Variants in RORB observed in about 807,000 individuals in gnomAD.
RORB encodes the protein RAR related orphan receptor B, also known as nuclear receptor ROR-beta.
A neutral mutation model predicts 59.1 loss-of-function variants in RORB; 6 were observed. That is an observed-to-expected ratio of 0.10 (90% CI 0.06 to 0.20). The LOEUF (loss-of-function observed/expected upper bound fraction) is 0.20, where lower values mean the gene tolerates loss of function less well. Among genes scored for constraint, RORB ranks in the 10% least tolerant of loss-of-function variants. The pLI is 1.00. For missense variants in RORB, 320 were observed against 560.5 expected, an observed-to-expected ratio of 0.57 and a Z score of 4.33; for synonymous variants, 215 against 204.5, an observed-to-expected ratio of 1.05 and a Z score of -0.44.
chr9:74,578,867 C>T (rs1416544886), intron 1 of RORB, among the ~76,000 whole-genome samples: 1 of 152,072 alleles, frequency 6.6e-6, no homozygotes, highest in Non-Finnish European at 1.5e-5. Context: ...GTCAGGTACT[C>T]TGCTGGTTGG....
At chr9:74,523,306 T>A (rs185953339) in intron 1 of RORB, among the ~76,000 whole-genome samples, 6 of 151,648 alleles carry the variant, frequency 4.0e-5, no homozygotes, top group Admixed American at 2.6e-4. Flanking sequence ...AGTCTTCTAA[T>A]TTTTTTTCCA....
At position 74,527,371 on chromosome 9, in the gene RORB, A is replaced by G. The variant is rs192076892; in HGVS notation, c.7+29388A>G. Among the ~76,000 whole-genome samples the G allele has an allele frequency of 3.8e-4, 58 of 152,140 alleles. No homozygotes were observed. In the East Asian group the frequency reaches 5.5e-3, roughly 14 times the overall value. ...TCCAAAATCTGGGAATCAAGCAGAC[A>G]GAAAAGAGACCAAAACCCCCTACCC... On this transcript the variant is annotated intron_variant, in intron 1 of 9. Coordinates refer to ENST00000376896, the MANE Select transcript of RORB (RefSeq NM_006914.4).
intron 8 of RORB, among the ~76,000 whole-genome samples, chr9:74,670,115 C>T (rs1824324958): frequency 6.6e-6 from 1 of 151,548 alleles, no homozygotes; most frequent in Non-Finnish European, 1.5e-5. Flanking sequence ...CTTGGAAGCA[C>T]AAAGATAGAT....
intron 4 of RORB, among the ~76,000 whole-genome samples, chr9:74,651,790 AAATT>A (rs1823997706): frequency 6.6e-6 from 1 of 152,222 alleles, no homozygotes; most frequent in African/African-American, 2.4e-5. Context: ...ACATTTAAGT[AAATT>A]AATCTTTCTG....
intron 4 of RORB, among the ~76,000 whole-genome samples, chr9:74,658,506 A>G (rs1385442006): frequency 6.6e-6 from 1 of 152,188 alleles, no homozygotes; most frequent in Non-Finnish European, 1.5e-5. Flanking sequence ...AAAAGAACAG[A>G]TAAAGTTTTT....
intron 2 of RORB, 52 bp downstream of exon 2, chr9:74,630,419 A>T: frequency 2.2e-6 from 3 of 1,374,852 alleles, no homozygotes; most frequent in Non-Finnish European, 3.0e-6. Flanking sequence ...GCATCTGTGT[A>T]CCTCACAAGA....
intron 1 of RORB, among the ~76,000 whole-genome samples, chr9:74,578,550 C>CA (rs1055556415): frequency 8.6e-5 from 13 of 151,886 alleles, no homozygotes; most frequent in African/African-American, 2.9e-4. Flanking sequence ...AAATGGAAGA[C>CA]AAAAAATTAA....
At chr9:74,554,508 G>A (rs1287877654) in intron 1 of RORB, among the ~76,000 whole-genome samples, 1 of 151,934 alleles carries the variant, frequency 6.6e-6, no homozygotes, top group Non-Finnish European at 1.5e-5. Context: ...TTTAGCCATG[G>A]CTAAACCTTA....
chr9:74,683,909 G>A (rs975066846), intron 9 of RORB, among the ~76,000 whole-genome samples: 2 of 152,070 alleles, frequency 1.3e-5, no homozygotes, highest in Admixed American at 1.3e-4. Context: ...CTACATACTA[G>A]GCATGCAATT....
intron 1 of RORB, among the ~76,000 whole-genome samples, chr9:74,533,283 G>A (rs1281370617): frequency 6.6e-6 from 1 of 151,892 alleles, no homozygotes; most frequent in Non-Finnish European, 1.5e-5. Context: ...TTTTCCTGGG[G>A]CTTTCCTCAT....
intron 1 of RORB, among the ~76,000 whole-genome samples, chr9:74,544,006 T>C (rs973973794): frequency 2.6e-5 from 4 of 152,078 alleles, no homozygotes; most frequent in Non-Finnish European, 5.9e-5. Context: ...TGACCTAGGG[T>C]TTAAATTGGA....
intron 1 of RORB, among the ~76,000 whole-genome samples, chr9:74,589,610 T>C (rs1167414215): frequency 1.3e-5 from 2 of 152,236 alleles, no homozygotes; most frequent in African/African-American, 2.4e-5. Flanking sequence ...TCAATAAATA[T>C]TAGTTTTCTT....
chr9:74,605,569 G>A (rs1345278058), intron 1 of RORB, among the ~76,000 whole-genome samples: 2 of 152,208 alleles, frequency 1.3e-5, no homozygotes, highest in South Asian at 2.1e-4. Context: ...TACGTAGTCT[G>A]TCTTTGCTGG....
At chr9:74,600,433 C>T (rs1350726633) in intron 1 of RORB, among the ~76,000 whole-genome samples, 8 of 152,184 alleles carry the variant, frequency 5.3e-5, no homozygotes. Flanking sequence ...CACTGAGGTG[C>T]TTTGGCCATC....
chr9:74,635,977 A>AGGTT (rs1823695904), intron 3 of RORB, among the ~76,000 whole-genome samples: 1 of 149,852 alleles, frequency 6.7e-6, no homozygotes, highest in Non-Finnish European at 1.5e-5. Flanking sequence ...AAAAAACAGA[A>AGGTT]TCTGACCTGA....
intron 1 of RORB, among the ~76,000 whole-genome samples, chr9:74,538,906 A>G (rs1200318626): frequency 2.0e-5 from 3 of 152,130 alleles, no homozygotes; most frequent in Non-Finnish European, 4.4e-5. Context: ...TCCCCAGCTC[A>G]TTACTTAATC....
intron 8 of RORB, among the ~76,000 whole-genome samples, chr9:74,669,189 A>G (rs950600510): frequency 6.6e-6 from 1 of 152,200 alleles, no homozygotes; most frequent in Non-Finnish European, 1.5e-5. Context: ...TTTTTAAAGT[A>G]TATACTAGGC....
chr9:74,660,214 T>C lies in RORB; in HGVS notation c.638-403T>C, dbSNP rs555023367. Among the ~76,000 whole-genome samples, 3 of 152,314 alleles carry C rather than the reference T, an allele frequency of 2.0e-5. No individual in the cohort carries two copies. The East Asian group carries it at 5.8e-4, about 29-fold the overall frequency. On this transcript the variant is annotated intron_variant, in intron 4 of 9. Transcript: ENST00000376896. ...AATAAATTTATATTTTAATGCCCCC[T>C]TTCTGAGATAAACAATAGGGTTCTA...
At chr9:74,503,661 A>T (rs9697162) in intron 1 of RORB, among the ~76,000 whole-genome samples, 1 of 151,882 alleles carries the variant, frequency 6.6e-6, no homozygotes, top group African/African-American at 2.4e-5. Context: ...CCAAGTAAAT[A>T]AAATATTCCC....
Sources: gnomAD v4.1 joint callset for allele counts (sites outside exome capture counted in the v4.1 genomes callset) on GRCh38, gnomAD v4.1.1 for gene constraint, MANE v1.5 for transcripts, NCBI Gene and HGNC (gene_info 2026-07-23, HGNC 2026-07-21) for gene names.